ALPK2: variants seen among roughly 807,000 people sequenced by gnomAD.
ALPK2 encodes the protein alpha kinase 2.
A neutral mutation model predicts 163.1 loss-of-function variants in ALPK2; 127 were observed. That is an observed-to-expected ratio of 0.78 (90% CI 0.67 to 0.90). The LOEUF (loss-of-function observed/expected upper bound fraction) is 0.90. ALPK2 is among the 40% of genes least tolerant of loss of function. The probability of loss-of-function intolerance (pLI) is 0.00; values close to 1 mark genes in which losing one functional copy is unlikely to be tolerated. For missense variants in ALPK2, 2,360 were observed against 2,589.6 expected (o/e 0.91, Z 1.92); for synonymous variants, 953 against 959.1 (o/e 0.99, Z 0.12).
Position 58,558,042 on chromosome 18 carries a change from C to T in ALPK2, c.1963-19818G>A, listed in dbSNP as rs868512334. On this transcript the variant is annotated intron_variant, in intron 4 of 12. Coordinates refer to ENST00000361673, the MANE Select transcript of ALPK2 (RefSeq NM_052947.4). Reference sequence around the variant, plus strand: ...TTTGAGCCACATGTGGTTAGTGAGGCTTGAAATATGCCTAGTTTGAAGGAG... The same window carrying T: ...TTTGAGCCACATGTGGTTAGTGAGGTTTGAAATATGCCTAGTTTGAAGGAG... Among the ~76,000 whole-genome samples, 6 of 152,136 alleles carry T rather than the reference C, an allele frequency of 3.9e-5. No homozygotes were observed. The South Asian group carries it at 6.2e-4, about 16-fold the overall frequency.
chr18:58,484,555 C>A (rs916975070), intron 12 of ALPK2, among the ~76,000 whole-genome samples: 8 of 152,080 alleles, frequency 5.3e-5, no homozygotes, highest in Non-Finnish European at 1.2e-4. Context: ...ACCATCCTGG[C>A]CAACATGGTA....
intron 1 of ALPK2, among the ~76,000 whole-genome samples, chr18:58,623,263 G>A (rs1295246449): frequency 6.6e-6 from 1 of 151,998 alleles, no homozygotes; most frequent in East Asian, 1.9e-4. Context: ...ATAGAGATGG[G>A]GTCCCACTAT....
At chr18:58,553,875 T>A (rs2051774122) in intron 4 of ALPK2, among the ~76,000 whole-genome samples, 1 of 111,048 alleles carries the variant, frequency 9.0e-6, no homozygotes, top group Non-Finnish European at 1.8e-5. Context: ...TTTTTTTTTT[T>A]TTTTGAGACA....
intron 1 of ALPK2, among the ~76,000 whole-genome samples, chr18:58,614,876 C>G (rs527458033): frequency 6.6e-6 from 1 of 152,200 alleles, no homozygotes; most frequent in Non-Finnish European, 1.5e-5. Flanking sequence ...AATCCCTACA[C>G]CCCTTTTACC....
intron 4 of ALPK2, among the ~76,000 whole-genome samples, chr18:58,564,123 C>CTTTTTTTTTTTTTTCTTTTTTTTTTTT (rs2051838711): frequency 9.8e-6 from 1 of 102,490 alleles, no homozygotes; most frequent in African/African-American, 4.1e-5. Flanking sequence ...TGTCTTTGTT[C>CTTTTTTTTTTTTTTCTTTTTTTTTTTT]TTTTTTTTTT....
intron 5 of ALPK2, 80 bp from the exon 6 acceptor site, chr18:58,529,318 G>A: frequency 7.4e-7 from 1 of 1,353,358 alleles, no homozygotes; most frequent in Middle Eastern, 2.1e-4. Context: ...ACAATCCTGA[G>A]AGACAGGAAT....
intron 3 of ALPK2, among the ~76,000 whole-genome samples, chr18:58,592,014 A>G (rs553598161): frequency 1.3e-5 from 2 of 152,326 alleles, no homozygotes; most frequent in South Asian, 4.1e-4. Context: ...AGCAAATAAA[A>G]TAGTCATGTA....
intron 12 of ALPK2, among the ~76,000 whole-genome samples, chr18:58,490,627 A>AG (rs1343041117): frequency 1.3e-5 from 2 of 151,806 alleles, no homozygotes; most frequent in African/African-American, 2.4e-5. Context: ...CCCTGGCTGG[A>AG]GAAAAAAAAA....
Position 58,536,936 on chromosome 18 carries a change from T to C in ALPK2, c.3251A>G (p.His1084Arg). 2 of 1,614,232 alleles carry C rather than the reference T, an allele frequency of 1.2e-6. No homozygotes were observed. The highest frequency in any genetic ancestry group is 1.7e-6 in the Non-Finnish European group (2 of 1,180,036). ...TCCCTCTGGGAGCTGCAGGACATGG[T>C]GTGGGACTCCTGGCACACTGGGTGC... Reference protein sequence around the residue: ...CRAPSVPGVPHHVLQLPEGEG... With the variant: ...CRAPSVPGVPRHVLQLPEGEG... Residue 1084 changes from histidine (H) to arginine (R), a missense_variant, in exon 5 of 13, where the codon CAC (histidine) becomes CGC (arginine). Physicochemically the swap from His to Arg is conservative, Grantham distance 29 (BLOSUM62 0). Coordinates refer to ENST00000361673, the MANE Select transcript of ALPK2 (RefSeq NM_052947.4).
rs1364674026 is a variant in ALPK2, at chr18:58,617,033, G to C, written c.-20-5216C>G. ...CACCAGTGTCTGCAGCTTGGCGTATGGGGTAAATCCACCACAACTTTGGTC... is the reference window on the plus strand; with the variant it reads ...CACCAGTGTCTGCAGCTTGGCGTATCGGGTAAATCCACCACAACTTTGGTC... On this transcript the variant is annotated intron_variant, in intron 1 of 12. Coordinates refer to ENST00000361673, the MANE Select transcript of ALPK2 (RefSeq NM_052947.4). 3.2e-4 allele frequency among the ~76,000 whole-genome samples: 48 copies of C among 152,242 alleles called. 2 individuals are homozygous for C. The highest frequency in any genetic ancestry group is 3.0e-3 in the Admixed American group (46 of 15,290).
At chr18:58,581,359 C>A (rs1451534051) in intron 3 of ALPK2, among the ~76,000 whole-genome samples, 4 of 152,170 alleles carry the variant, frequency 2.6e-5, no homozygotes, top group Admixed American at 2.6e-4. Context: ...GTGCTGTTTC[C>A]TTTTTAATTG....
intron 10 of ALPK2, chr18:58,511,591 C>G (rs1382975966): frequency 1.1e-5 from 1 of 90,932 alleles, no homozygotes; most frequent in African/African-American, 3.0e-5. Flanking sequence ...TTAACTTGAG[C>G]CAAAGGTGCT....
chr18:58,595,510 C>T (rs987505747), intron 3 of ALPK2, among the ~76,000 whole-genome samples: 5 of 152,156 alleles, frequency 3.3e-5, no homozygotes, highest in Non-Finnish European at 1.5e-5. Flanking sequence ...ACATAATGGA[C>T]TCCGGGGCCC....
At chr18:58,506,413 T>C (rs1039909989) in intron 10 of ALPK2, among the ~76,000 whole-genome samples, 1 of 151,470 alleles carries the variant, frequency 6.6e-6, no homozygotes, top group South Asian at 2.1e-4. Flanking sequence ...AATAAAAACA[T>C]TTAAATGATA....
chr18:58,485,444 C>T (rs142718409), intron 12 of ALPK2, among the ~76,000 whole-genome samples: 51 of 152,318 alleles, frequency 3.3e-4, no homozygotes, highest in African/African-American at 1.0e-3. Flanking sequence ...TCCACCCTGC[C>T]GTGATTGTTA....
intron 3 of ALPK2, among the ~76,000 whole-genome samples, chr18:58,596,293 C>T (rs539766359): frequency 6.6e-6 from 1 of 152,168 alleles, no homozygotes; most frequent in Admixed American, 6.5e-5. Flanking sequence ...GTCCTGTGTC[C>T]CTCTCTATCT....
intron 4 of ALPK2, among the ~76,000 whole-genome samples, chr18:58,573,194 G>GTA (rs2051894944): frequency 2.0e-5 from 3 of 147,870 alleles, no homozygotes; most frequent in South Asian, 4.2e-4. Context: ...ATGTATATGT[G>GTA]TATATATATG....
rs1293054479 is a variant in ALPK2 at position 58,531,883 on chromosome 18, G to A, written c.5354-2645C>T. 2.4e-5 allele frequency among the ~76,000 whole-genome samples: 3 copies of A among 126,676 alleles called. No homozygotes were observed. In the Admixed American group the frequency reaches 3.0e-4, roughly 13 times the overall value. 83.1% of individuals were successfully genotyped at this position (126,676 alleles called of 152,430 possible). A position where few individuals can be genotyped will look rare whatever the true frequency, so the allele number is the denominator to read the frequency against. On this transcript the variant is annotated intron_variant, in intron 5 of 12. Coordinates refer to ENST00000361673, the MANE Select transcript of ALPK2 (RefSeq NM_052947.4). ...AACCAGGAGGTGGAGGTTGTAGTGA[G>A]CCGAGATTGCACCACTGTGCTCCAG... is the stretch of plus-strand genomic sequence containing the variant.
At chr18:58,552,888 A>C (rs1274887526) in intron 4 of ALPK2, among the ~76,000 whole-genome samples, 2 of 152,324 alleles carry the variant, frequency 1.3e-5, no homozygotes, top group East Asian at 3.9e-4. Flanking sequence ...GTACCTGAGA[A>C]TGTGACTTTA....
Sources: gnomAD v4.1 joint callset for allele counts (sites outside exome capture counted in the v4.1 genomes callset) on GRCh38, gnomAD v4.1.1 for gene constraint, MANE v1.5 for transcripts, NCBI Gene and HGNC (gene_info 2026-07-23, HGNC 2026-07-21) for gene names.